ZSWIM5: variants seen among roughly 807,000 people sequenced by gnomAD.
The protein encoded by ZSWIM5 is zinc finger SWIM domain-containing protein 5.
In ZSWIM5, 55 loss-of-function variants were observed where a neutral mutation model predicts 119.6. That is an observed-to-expected ratio of 0.46 (90% confidence interval 0.37 to 0.58). The LOEUF (loss-of-function observed/expected upper bound fraction) is 0.58. Ranked by LOEUF, ZSWIM5 falls within the 20% of genes least tolerant of loss-of-function variation. The pLI, the probability that ZSWIM5 is intolerant of heterozygous loss-of-function variation, is 0.00. For synonymous variants in ZSWIM5, 537 were observed against 606.9 expected (o/e 0.88, Z 1.69); for missense variants, 1,193 against 1,512.8 (o/e 0.79, Z 3.51).
chr1:45,070,318 C>A, intron 2 of ZSWIM5: 1 of 1,418,338 alleles, frequency 7.1e-7, no homozygotes. Context: ...TAAGACGCCA[C>A]CACCAGAGCA....
At chr1:45,087,011 G>A (rs2149011272) in intron 2 of ZSWIM5, among the ~76,000 whole-genome samples, 1 of 151,166 alleles carries the variant, frequency 6.6e-6, no homozygotes, top group East Asian at 2.0e-4. Context: ...AGCCTCCAAA[G>A]TAGCTGGGAT....
At chr1:45,160,674 G>A (rs1333971974) in intron 1 of ZSWIM5, among the ~76,000 whole-genome samples, 1 of 145,750 alleles carries the variant, frequency 6.9e-6, no homozygotes, top group East Asian at 2.0e-4. Flanking sequence ...TTTTTTTTGA[G>A]AAGTAGTTTC....
chr1:45,096,427 T>C (rs1313730529), intron 1 of ZSWIM5, among the ~76,000 whole-genome samples: 2 of 146,454 alleles, frequency 1.4e-5, no homozygotes, highest in Non-Finnish European at 3.0e-5. Context: ...ACCTGGTAGA[T>C]AACTGTTTGT....
At chr1:45,162,079 C>A (rs560768580) in intron 1 of ZSWIM5, among the ~76,000 whole-genome samples, 27 of 152,268 alleles carry the variant, frequency 1.8e-4, no homozygotes, top group African/African-American at 6.5e-4. Flanking sequence ...CCAGTATGAT[C>A]CATATGAAAA....
intron 1 of ZSWIM5, among the ~76,000 whole-genome samples, chr1:45,143,086 C>T (rs1034470910): frequency 7.4e-5 from 11 of 147,822 alleles, no homozygotes; most frequent in Non-Finnish European, 1.2e-4. Context: ...GTGGGAGGAT[C>T]GCTTACACCT....
chr1:45,183,864 AT>A (rs1317604526), intron 1 of ZSWIM5, among the ~76,000 whole-genome samples: 1 of 152,226 alleles, frequency 6.6e-6, no homozygotes, highest in Non-Finnish European at 1.5e-5. Context: ...ATTCCAATCA[AT>A]AGAAAAAGAG....
intron 1 of ZSWIM5, among the ~76,000 whole-genome samples, chr1:45,103,510 C>T (rs188434622): frequency 2.6e-5 from 4 of 152,242 alleles, no homozygotes; most frequent in African/African-American, 9.6e-5. Flanking sequence ...TTAAGGACTA[C>T]AATATATTAA....
At chr1:45,183,571 T>C (rs371048764) in intron 1 of ZSWIM5, among the ~76,000 whole-genome samples, 1 of 151,964 alleles carries the variant, frequency 6.6e-6, no homozygotes, top group African/African-American at 2.4e-5. Context: ...GGGGATATCA[T>C]CACCGATCCC....
At chr1:45,108,932 C>A (rs1196776644) in intron 1 of ZSWIM5, among the ~76,000 whole-genome samples, 2 of 152,042 alleles carry the variant, frequency 1.3e-5, no homozygotes, top group Non-Finnish European at 2.9e-5. Flanking sequence ...CCAACATGGC[C>A]TTTTTAATAT....
intron 5 of ZSWIM5, among the ~76,000 whole-genome samples, chr1:45,045,038 A>G (rs904594798): frequency 4.8e-5 from 3 of 61,982 alleles, no homozygotes; most frequent in Admixed American, 2.1e-4. Flanking sequence ...CTAATAAAAG[A>G]CAAACTTGTT....
chr1:45,193,054 T>G (rs1325853713), intron 1 of ZSWIM5, among the ~76,000 whole-genome samples: 1 of 152,166 alleles, frequency 6.6e-6, no homozygotes, highest in Non-Finnish European at 1.5e-5. Context: ...AATCCCCTTA[T>G]CAAGCAGTTC....
At chr1:45,167,732 C>T (rs1292386840) in intron 1 of ZSWIM5, among the ~76,000 whole-genome samples, 2 of 152,204 alleles carry the variant, frequency 1.3e-5, no homozygotes, top group Admixed American at 6.5e-5. Context: ...AAATGCTCAT[C>T]ATCACTGGCC....
chr1:45,166,056 C>A (rs1287138499), intron 1 of ZSWIM5, among the ~76,000 whole-genome samples: 3 of 152,024 alleles, frequency 2.0e-5, no homozygotes, highest in African/African-American at 4.8e-5. Flanking sequence ...AACATCGATG[C>A]GAAAATCCTC....
chr1:45,034,524 C>T (rs1644971495), intron 10 of ZSWIM5, 55 bp from the exon 11 acceptor site: 26 of 1,540,652 alleles, frequency 1.7e-5, no homozygotes, highest in Non-Finnish European at 2.2e-5. Context: ...GCTTCCGAGC[C>T]ACCTTAGAGA....
intron 1 of ZSWIM5, among the ~76,000 whole-genome samples, chr1:45,110,239 C>T (rs1645508788): frequency 6.6e-6 from 1 of 152,180 alleles, no homozygotes; most frequent in African/African-American, 2.4e-5. Flanking sequence ...TTACCCTGGT[C>T]TGTTCTCAGA....
At chr1:45,183,620 C>A (rs183055569) in intron 1 of ZSWIM5, among the ~76,000 whole-genome samples, 1 of 152,332 alleles carries the variant, frequency 6.6e-6, no homozygotes, top group East Asian at 1.9e-4. Flanking sequence ...ACTACAAACA[C>A]CTCTATGCAA....
Position 45,019,553 on chromosome 1 carries a change from C to G in ZSWIM5, c.2696-237G>C, listed in dbSNP as rs1160054740. On this transcript the variant is annotated intron_variant, in intron 13 of 13. Coordinates refer to ENST00000359600, the MANE Select transcript of ZSWIM5 (RefSeq NM_020883.2). The surrounding 1 kb of genome is among the most constrained non-coding windows in gnomAD (Gnocchi z 5.0). Reference sequence around the variant, plus strand: ...AGAGAGTTGAAGGTTTCTGCAGGTGCTCTTAGCCCCTCACAAGGATGGGAC... The same window carrying G: ...AGAGAGTTGAAGGTTTCTGCAGGTGGTCTTAGCCCCTCACAAGGATGGGAC... 3.3e-5 allele frequency among the ~76,000 whole-genome samples: 5 copies of G among 152,186 alleles called. No individual in the cohort carries two copies. Among genetic ancestry groups the G allele is most frequent in the African/African-American group, 1.2e-4 (5 of 41,430 alleles).
At position 45,019,330 on chromosome 1, in the gene ZSWIM5, C is replaced by G. The variant is rs766912989; in HGVS notation, c.2696-14G>C. The G allele has an allele frequency of 4.4e-6, 7 of 1,600,820 alleles. No individual in the cohort carries two copies. The highest frequency in any genetic ancestry group is 6.0e-6 in the Non-Finnish European group (7 of 1,175,400). On this transcript the variant is annotated splice_polypyrimidine_tract_variant and intron_variant, in intron 13 of 13. Coordinates refer to ENST00000359600, the MANE Select transcript of ZSWIM5 (RefSeq NM_020883.2). The surrounding 1 kb of genome is among the most constrained non-coding windows in gnomAD (Gnocchi z 5.0). ...GGGCCCGCACACCTGTCAGGGGGAG[C>G]CTGAGCTCAGCCGTGGCCATCTGGG... is the stretch of plus-strand genomic sequence containing the variant.
At chr1:45,194,605 C>T (rs892307287) in intron 1 of ZSWIM5, among the ~76,000 whole-genome samples, 3 of 152,030 alleles carry the variant, frequency 2.0e-5, no homozygotes, top group Non-Finnish European at 4.4e-5. Context: ...TGGCCAGGCG[C>T]GGTGGCTCAC....
Sources: allele counts gnomAD v4.1 joint callset (sites outside exome capture counted in the v4.1 genomes callset), GRCh38; gene constraint gnomAD v4.1.1; non-coding constraint Gnocchi (gnomAD v3.1); transcripts MANE v1.5; gene names NCBI Gene and HGNC (gene_info 2026-07-23, HGNC 2026-07-21).